Variants in SMPD3 observed in about 807,000 individuals in gnomAD.
SMPD3 encodes the protein sphingomyelin phosphodiesterase 3, also known as nSMase-2.
A neutral mutation model predicts 55.7 loss-of-function variants in SMPD3; 21 were observed. The ratio of observed to expected loss-of-function variants is 0.38; its 90% CI spans 0.27 to 0.54. The LOEUF is 0.54. SMPD3 is among the 20% of genes least tolerant of loss of function. The pLI, the probability that SMPD3 is intolerant of heterozygous loss-of-function variation, is 0.80. For synonymous variants in SMPD3, 457 were observed against 404.3 expected (o/e 1.13, Z -1.56); for missense variants, 842 against 899.6 (o/e 0.94, Z 0.82).
At chr16:68,378,832 G>T (rs561951278) in intron 2 of SMPD3, among the ~76,000 whole-genome samples, 8 of 151,726 alleles carry the variant, frequency 5.3e-5, no homozygotes, top group Non-Finnish European at 1.2e-4. Context: ...GAGATGGAAG[G>T]TTAGGAACCT....
chr16:68,437,387 A>T (rs971385066), intron 1 of SMPD3, among the ~76,000 whole-genome samples: 2 of 152,266 alleles, frequency 1.3e-5, no homozygotes, highest in African/African-American at 2.4e-5. Flanking sequence ...ATGTGCTGAC[A>T]CACATTGTTA....
chr16:68,422,428 C>T lies in SMPD3; in HGVS notation c.-269+25925G>A, dbSNP rs886428754. On this transcript the variant is annotated intron_variant, in intron 1 of 8. Coordinates refer to ENST00000219334, the MANE Select transcript of SMPD3 (RefSeq NM_018667.4). ...TGGGCAGGTGCTTGGACAAGATAGA[C>T]GTATAAGGCCCCTGAGCAAGAAGCT... 3.9e-5 allele frequency among the ~76,000 whole-genome samples: 6 copies of T among 152,026 alleles called. No homozygotes were observed. In the East Asian group the frequency reaches 7.7e-4, roughly 20 times the overall value.
intron 1 of SMPD3, among the ~76,000 whole-genome samples, chr16:68,432,648 G>C (rs906560775): frequency 6.6e-6 from 1 of 152,096 alleles, no homozygotes. Flanking sequence ...AAGGAGACCA[G>C]ACCAGAAACC....
At chr16:68,417,620 G>C (rs1242718112) in intron 1 of SMPD3, among the ~76,000 whole-genome samples, 1 of 152,252 alleles carries the variant, frequency 6.6e-6, no homozygotes, top group Non-Finnish European at 1.5e-5. Context: ...AACTGGGGAA[G>C]AGATTGGGCT....
intron 1 of SMPD3, among the ~76,000 whole-genome samples, chr16:68,425,709 C>T (rs1489531904): frequency 6.6e-6 from 1 of 152,134 alleles, no homozygotes; most frequent in Non-Finnish European, 1.5e-5. Context: ...GGTGAATCTG[C>T]AGGCTGGGAG....
chr16:68,362,056 G>A (rs2089302633), intron 7 of SMPD3, among the ~76,000 whole-genome samples: 1 of 152,180 alleles, frequency 6.6e-6, no homozygotes, highest in Non-Finnish European at 1.5e-5. Context: ...GATCCCACCC[G>A]TTCCCCAGAA....
In SMPD3 at chr16:68,359,726, C is replaced by T. The variant is rs1308029493; in HGVS notation, c.*1480G>A. ...GGGCGCCACGAGGAGCGGAGGTCAG[C>T]GGGGATTGTCAAAAACAGTCCCTCA... On this transcript the variant is annotated 3_prime_UTR_variant, in exon 9 of 9. Coordinates refer to ENST00000219334, the MANE Select transcript of SMPD3 (RefSeq NM_018667.4). The T allele has an allele frequency of 2.0e-5, 3 of 152,588 alleles. No homozygotes were observed. Among genetic ancestry groups the T allele is most frequent in the Admixed American group, 6.5e-5 (1 of 15,284 alleles). The allele number at this position is 152,588 out of a possible 1,614,324, so 9.5% of individuals were successfully genotyped here.
At position 68,361,159 on chromosome 16, in the gene SMPD3, G is replaced by A. The variant is rs1353912971; in HGVS notation, c.*47C>T. ...GATGGAGGGGACATGGCCCAGGGAT[G>A]GGCTGCAGCTGCAAGGGCTGGCAGA... On this transcript the variant is annotated 3_prime_UTR_variant, in exon 9 of 9. Coordinates refer to ENST00000219334, the MANE Select transcript of SMPD3 (RefSeq NM_018667.4). 7.1e-6 allele frequency: 11 copies of A among 1,556,746 alleles called. No homozygotes were observed. The highest frequency in any genetic ancestry group is 1.4e-5 in the African/African-American group (1 of 73,464).
intron 3 of SMPD3, chr16:68,369,110 G>C (rs1191973616): frequency 6.6e-6 from 1 of 151,764 alleles, no homozygotes; most frequent in Middle Eastern, 3.2e-3. Context: ...CCAGCTACTT[G>C]GGAGGCCATG....
chr16:68,405,765 G>A (rs185968835), intron 1 of SMPD3, among the ~76,000 whole-genome samples: 1 of 152,118 alleles, frequency 6.6e-6, no homozygotes, highest in African/African-American at 2.4e-5. Flanking sequence ...CTGGCCACAG[G>A]ATGGCATGCC....
intron 1 of SMPD3, among the ~76,000 whole-genome samples, chr16:68,446,970 C>G (rs1220168789): frequency 6.6e-6 from 1 of 152,226 alleles, no homozygotes; most frequent in East Asian, 1.9e-4. Flanking sequence ...GCCGCCTCCT[C>G]CCTCGGGATT....
Position 68,371,279 on chromosome 16 carries a change from G to A in SMPD3, c.903C>T (p.Ser301=), listed in dbSNP as rs539999157. ...SLGSPSASRE[S]LVKGRAGPDT... is the part of the protein sequence containing the mutation. ...CTGGCCCAGCTCGCCCCTTCACCAG[G>A]GACTCCCGGGAGGCCGAGGGGCTGC... Residue 301 remains serine, a synonymous_variant, in exon 3 of 9, where the codon TCC becomes TCT. Transcript: ENST00000219334. 6.9e-5 allele frequency: 111 copies of A among 1,604,922 alleles called. No homozygotes were observed. Among genetic ancestry groups the A allele is most frequent in the Middle Eastern group, 1.7e-4 (1 of 6,042 alleles).
Position 68,358,947 on chromosome 16 carries a change from G to C in SMPD3, c.*2259C>G, listed in dbSNP as rs777385839. On this transcript the variant is annotated 3_prime_UTR_variant, in exon 9 of 9. Transcript: ENST00000219334. ...GGTCTTGGTGCTGAGGGAGGTGTGC[G>C]GGGGCCTGGGGGCCGCACATCCTTA... 6.6e-6 allele frequency: 1 copy of C among 152,576 alleles called. No individual in the cohort carries two copies. Among genetic ancestry groups the C allele is most frequent in the East Asian group, 1.9e-4 (1 of 5,270 alleles). 9.5% of individuals were successfully genotyped at this position (152,576 alleles called of 1,614,324 possible).
intron 1 of SMPD3, among the ~76,000 whole-genome samples, chr16:68,398,078 G>A (rs2090175401): frequency 6.6e-6 from 1 of 152,124 alleles, no homozygotes; most frequent in Non-Finnish European, 1.5e-5. Flanking sequence ...AGGTGGGTGG[G>A]CGTCTGGAAT....
At chr16:68,408,861 C>G (rs1171823614) in intron 1 of SMPD3, among the ~76,000 whole-genome samples, 1 of 152,174 alleles carries the variant, frequency 6.6e-6, no homozygotes, top group Non-Finnish European at 1.5e-5. Flanking sequence ...TAATAGCTCA[C>G]AAACTAAAAA....
intron 1 of SMPD3, among the ~76,000 whole-genome samples, chr16:68,444,170 G>A (rs1434795046): frequency 6.6e-6 from 1 of 152,154 alleles, no homozygotes; most frequent in African/African-American, 2.4e-5. Context: ...CCTCTTGGAG[G>A]CCATGGCCCT....
At chr16:68,407,968 C>T (rs2090267171) in intron 1 of SMPD3, among the ~76,000 whole-genome samples, 1 of 152,068 alleles carries the variant, frequency 6.6e-6, no homozygotes, top group African/African-American at 2.4e-5. Flanking sequence ...AAGCTTATAA[C>T]AAAAGATATA....
chr16:68,395,752 A>G (rs138185306), intron 1 of SMPD3, among the ~76,000 whole-genome samples: 1 of 152,376 alleles, frequency 6.6e-6, no homozygotes, highest in African/African-American at 2.4e-5. Flanking sequence ...ACATTCCTAT[A>G]CATGAGAGAC....
rs560077085 is a variant in SMPD3 at position 68,447,814 on chromosome 16, G to A, written c.-269+539C>T. ...CAAGGGAGGAGGGGGGAATAGGGAG[G>A]GGGGCGAGTGTGGAGGAAGGGGCCT... On this transcript the variant is annotated intron_variant, in intron 1 of 8. Coordinates refer to ENST00000219334, the MANE Select transcript of SMPD3 (RefSeq NM_018667.4). This position sits in a 1 kb window ranked among gnomAD's most constrained non-coding sequence, Gnocchi z 5.1. Among the ~76,000 whole-genome samples, 4 of 152,066 alleles carry A rather than the reference G, an allele frequency of 2.6e-5. No individual in the cohort carries two copies. The highest frequency in any genetic ancestry group is 5.9e-5 in the Non-Finnish European group (4 of 67,970).
Sources: allele counts gnomAD v4.1 joint callset (sites outside exome capture counted in the v4.1 genomes callset), GRCh38; gene constraint gnomAD v4.1.1; non-coding constraint Gnocchi (gnomAD v3.1); transcripts MANE v1.5; gene names NCBI Gene and HGNC (gene_info 2026-07-23, HGNC 2026-07-21).